The following DDC variants were observed in gnomAD, a reference collection of about 807,000 sequenced individuals.
The protein encoded by DDC is aromatic-L-amino-acid decarboxylase.
A neutral mutation model predicts 60.0 loss-of-function variants in DDC; 43 were observed. The observed-to-expected ratio is 0.72, with a 90% CI of 0.56 to 0.92. The LOEUF (loss-of-function observed/expected upper bound fraction) is 0.92, where lower values mean the gene tolerates loss of function less well. Ranked by LOEUF, DDC falls within the 40% of genes least tolerant of loss-of-function variation. The pLI is 0.00. For synonymous variants in DDC, 232 were observed against 234.6 expected (o/e 0.99, Z 0.10); for missense variants, 573 against 620.2 (o/e 0.92, Z 0.81).
chr7:50,554,735 AT>A (rs2045124567), intron 1 of DDC, among the ~76,000 whole-genome samples: 1 of 152,176 alleles, frequency 6.6e-6, no homozygotes, highest in Admixed American at 6.6e-5. Flanking sequence ...CTCAAAGCCA[AT>A]TATTCTACAT....
chr7:50,547,149 C>A (rs2044833985), intron 1 of DDC, among the ~76,000 whole-genome samples: 1 of 152,022 alleles, frequency 6.6e-6, no homozygotes, highest in Non-Finnish European at 1.5e-5. Context: ...TTTTGCTAGC[C>A]TGTTTTTCTT....
At chr7:50,543,798 G>A (rs2044712561) in intron 2 of DDC, 87 bp downstream of exon 2, 1 of 1,327,836 alleles carries the variant, frequency 7.5e-7, no homozygotes. Flanking sequence ...GGGATTCCTT[G>A]AAACAAAGTA....
chr7:50,553,449 G>A (rs1370177790), intron 1 of DDC, among the ~76,000 whole-genome samples: 5 of 150,494 alleles, frequency 3.3e-5, no homozygotes, highest in African/African-American at 4.9e-5. Context: ...CCCTGGATTA[G>A]CTGCTTTCTT....
At chr7:50,459,525 C>G (rs1427813467) in intron 14 of DDC, 1 of 176,392 alleles carries the variant, frequency 5.7e-6, no homozygotes, top group Non-Finnish European at 1.2e-5. Context: ...CGCCTCTTCC[C>G]GGCCGCCATC....
intron 6 of DDC, among the ~76,000 whole-genome samples, chr7:50,509,014 G>A (rs1390917784): frequency 6.6e-6 from 1 of 152,088 alleles, no homozygotes; most frequent in East Asian, 1.9e-4. Flanking sequence ...CTCAGCAACA[G>A]GCTTTCCAAA....
chr7:50,541,573 G>C (rs1585264021), intron 2 of DDC, among the ~76,000 whole-genome samples: 1 of 152,202 alleles, frequency 6.6e-6, no homozygotes, highest in African/African-American at 2.4e-5. Flanking sequence ...AAGGCAGAGA[G>C]CTGGCTACCT....
intron 1 of DDC, among the ~76,000 whole-genome samples, chr7:50,548,690 G>A (rs1312814134): frequency 6.6e-6 from 1 of 152,210 alleles, no homozygotes; most frequent in African/African-American, 2.4e-5. Context: ...AACAGCAAGA[G>A]CCAGTGGAGA....
chr7:50,491,676 C>T (rs758606152), intron 9 of DDC, among the ~76,000 whole-genome samples: 1 of 152,218 alleles, frequency 6.6e-6, no homozygotes, highest in African/African-American at 2.4e-5. Flanking sequence ...AATATCTCTA[C>T]AGGTAGCTAC....
At chr7:50,558,219 G>A (rs897949625) in intron 1 of DDC, among the ~76,000 whole-genome samples, 2 of 151,988 alleles carry the variant, frequency 1.3e-5, no homozygotes, top group Non-Finnish European at 2.9e-5. Flanking sequence ...GTTCTAGTTG[G>A]TTGCTTCTTT....
chr7:50,490,393 G>A (rs1029101128), intron 9 of DDC, among the ~76,000 whole-genome samples: 12 of 152,204 alleles, frequency 7.9e-5, no homozygotes, highest in South Asian at 6.2e-4. Flanking sequence ...TAAATCAGCC[G>A]GGCACAGTGG....
chr7:50,500,817 C>T (rs891489652), intron 7 of DDC, among the ~76,000 whole-genome samples: 4 of 152,214 alleles, frequency 2.6e-5, no homozygotes, highest in South Asian at 4.1e-4. Context: ...CTTTTATCAG[C>T]TTTGTGGAGG....
chr7:50,462,381 C>T (rs914117705), intron 14 of DDC, among the ~76,000 whole-genome samples: 2 of 152,176 alleles, frequency 1.3e-5, no homozygotes, highest in African/African-American at 2.4e-5. Flanking sequence ...GCCAACACTG[C>T]ATTTATTTAA....
intron 10 of DDC, among the ~76,000 whole-genome samples, chr7:50,478,429 G>C (rs1024644015): frequency 2.0e-5 from 3 of 152,284 alleles, no homozygotes; most frequent in Middle Eastern, 3.4e-3. Flanking sequence ...AGCCACATGC[G>C]GACTGGTGGC....
At chr7:50,474,127 C>G (rs1037014438) in intron 11 of DDC, among the ~76,000 whole-genome samples, 1 of 152,230 alleles carries the variant, frequency 6.6e-6, no homozygotes, top group Non-Finnish European at 1.5e-5. Flanking sequence ...GGCTGGAGCA[C>G]AGGTTGCTGA....
chr7:50,468,495 T>C (rs927223623), intron 12 of DDC, among the ~76,000 whole-genome samples: 5 of 152,178 alleles, frequency 3.3e-5, no homozygotes, highest in Non-Finnish European at 2.9e-5. Context: ...CAGGAATTCA[T>C]ATACATACTC....
intron 1 of DDC, among the ~76,000 whole-genome samples, chr7:50,561,500 A>G (rs1384401703): frequency 6.6e-6 from 1 of 152,142 alleles, no homozygotes. Flanking sequence ...TCCCAAGCCC[A>G]CTTCCCCAGA....
At chr7:50,482,221 A>G (rs181240984) in intron 9 of DDC, among the ~76,000 whole-genome samples, 25 of 152,354 alleles carry the variant, frequency 1.6e-4, no homozygotes, top group Non-Finnish European at 1.6e-4. Flanking sequence ...ATCCTGGTCA[A>G]CGTTTAGTAT....
At chr7:50,555,661 T>A (rs1167112546) in intron 1 of DDC, among the ~76,000 whole-genome samples, 1 of 152,226 alleles carries the variant, frequency 6.6e-6, no homozygotes, top group Non-Finnish European at 1.5e-5. Flanking sequence ...AACATTGATA[T>A]GAACTTACAT....
intron 9 of DDC, among the ~76,000 whole-genome samples, chr7:50,494,591 GAA>G (rs562491116): frequency 2.9e-5 from 4 of 138,406 alleles, no homozygotes; most frequent in African/African-American, 2.7e-5. Flanking sequence ...ACACTGTCTC[GAA>G]AAAAAAAAAA....
Sources: gnomAD v4.1 joint callset for allele counts (sites outside exome capture counted in the v4.1 genomes callset) on GRCh38, gnomAD v4.1.1 for gene constraint, MANE v1.5 for transcripts, NCBI Gene and HGNC (gene_info 2026-07-23, HGNC 2026-07-21) for gene names.